The following LRP2 variants were observed in gnomAD, a reference collection of about 807,000 sequenced individuals.
The protein encoded by LRP2 is low-density lipoprotein receptor-related protein 2.
LRP2 carries 172 observed loss-of-function variants against 531.0 expected under a neutral mutation model. That is an observed-to-expected ratio of 0.32 (90% CI 0.29 to 0.37). LRP2 has a LOEUF of 0.37. Ranked by LOEUF, LRP2 falls within the 10% of genes least tolerant of loss-of-function variation. The pLI, the probability that LRP2 is intolerant of heterozygous loss-of-function variation, is 1.00. For missense variants in LRP2, 5,167 were observed against 5,868.3 expected, an observed-to-expected ratio of 0.88 and a Z score of 3.90; for synonymous variants, 1,992 against 2,027.6, an observed-to-expected ratio of 0.98 and a Z score of 0.47.
chr2:169,189,998 G>A (rs1435619856), intron 48 of LRP2, among the ~76,000 whole-genome samples: 2 of 152,156 alleles, frequency 1.3e-5, no homozygotes, highest in Admixed American at 6.5e-5. Flanking sequence ...AGAATGGGAG[G>A]AATAAAGGAG....
chr2:169,153,385 C>T (rs1241426948), intron 66 of LRP2, among the ~76,000 whole-genome samples: 2 of 152,148 alleles, frequency 1.3e-5, no homozygotes, highest in Admixed American at 6.5e-5. Context: ...ATTTTATATA[C>T]AGACAGAAGG....
intron 14 of LRP2, among the ~76,000 whole-genome samples, chr2:169,274,411 C>A (rs1683499110): frequency 6.6e-6 from 1 of 151,926 alleles, no homozygotes; most frequent in African/African-American, 2.4e-5. Flanking sequence ...TAGTGGAAAT[C>A]CCATCTCAGA....
intron 45 of LRP2, among the ~76,000 whole-genome samples, chr2:169,197,666 G>A (rs1288572405): frequency 1.3e-5 from 2 of 152,196 alleles, no homozygotes; most frequent in Non-Finnish European, 2.9e-5. Context: ...TGGTCTATAA[G>A]GCCGTTTTGC....
chr2:169,277,853 T>C lies in LRP2; in HGVS notation c.1664A>G (p.Lys555Arg). Residue 555 changes from lysine to arginine, a missense_variant, in exon 13 of 79, where the codon AAG (lysine) becomes AGG (arginine). Physicochemically the swap from Lys to Arg is conservative, Grantham distance 26. Transcript: ENST00000649046. ...AGTTACCCCAGCAGGCCATCCCAGC[T>C]TTGTTTTCACCAAGTCTTTACGGTT... ...GSNRKDLVKT[K>R]LGWPAGVTLD... The C allele has an allele frequency of 1.2e-6, 2 of 1,614,186 alleles. No homozygotes were observed. Among genetic ancestry groups the C allele is most frequent in the Non-Finnish European group, 1.7e-6 (2 of 1,180,016 alleles).
chr2:169,292,482 T>C, intron 6 of LRP2, 113 bp from the exon 7 acceptor site: 2 of 772,794 alleles, frequency 2.6e-6, no homozygotes, highest in Non-Finnish European at 2.3e-6. Flanking sequence ...TCTATATCAA[T>C]TTAATCCCTT....
intron 5 of LRP2, 83 bp downstream of exon 5, chr2:169,294,517 G>T: frequency 9.9e-7 from 1 of 1,009,146 alleles, no homozygotes. Context: ...CCTGAACTTG[G>T]GAAGAGATGT....
chr2:169,272,853 G>A (rs1683454264), intron 15 of LRP2, 74 bp downstream of exon 15: 1 of 1,584,756 alleles, frequency 6.3e-7, no homozygotes, highest in Non-Finnish European at 8.7e-7. Flanking sequence ...AAGAGTAGCA[G>A]TTAGTCTAGT....
At chr2:169,229,342 G>T (rs903809924) in intron 31 of LRP2, among the ~76,000 whole-genome samples, 2 of 152,166 alleles carry the variant, frequency 1.3e-5, no homozygotes, top group African/African-American at 4.8e-5. Context: ...AGAACTCAGT[G>T]TTGTAATTGA....
chr2:169,138,460 T>C (rs1049030257), intron 75 of LRP2, 117 bp downstream of exon 75: 35 of 1,135,104 alleles, frequency 3.1e-5, no homozygotes, highest in Non-Finnish European at 4.4e-5. Flanking sequence ...GTGCAGACCT[T>C]ATTCTGAGAG....
chr2:169,155,571 T>C (rs1025463557), intron 65 of LRP2, among the ~76,000 whole-genome samples: 1 of 152,202 alleles, frequency 6.6e-6, no homozygotes. Context: ...TAAACTCTAG[T>C]ACAAACTTCA....
At chr2:169,284,673 A>G (rs565284203) in intron 9 of LRP2, among the ~76,000 whole-genome samples, 1 of 152,098 alleles carries the variant, frequency 6.6e-6, no homozygotes, top group Admixed American at 6.5e-5. Context: ...AGGAAAAAAA[A>G]CCCAATCCGA....
At chr2:169,343,710 G>C (rs1289119234) in intron 1 of LRP2, among the ~76,000 whole-genome samples, 1 of 152,162 alleles carries the variant, frequency 6.6e-6, no homozygotes, top group Non-Finnish European at 1.5e-5. Context: ...TACCAGAAAG[G>C]GTTTGGCCAC....
intron 41 of LRP2, 24 bp from the exon 42 acceptor site, chr2:169,204,295 T>A (rs1462476148): frequency 3.1e-6 from 5 of 1,606,084 alleles, no homozygotes; most frequent in Non-Finnish European, 4.2e-6. Context: ...AAAAAAAATT[T>A]AGAAGTTGAA....
At chr2:169,268,707 C>T (rs960133330) in intron 16 of LRP2, among the ~76,000 whole-genome samples, 2 of 152,188 alleles carry the variant, frequency 1.3e-5, no homozygotes, top group African/African-American at 4.8e-5. Flanking sequence ...CAGGGATGCC[C>T]TCTCTCGCCA....
chr2:169,299,132 A>T lies in LRP2; in HGVS notation c.428-4422T>A, dbSNP rs1380431813. Among the ~76,000 whole-genome samples, 13 of 54,982 alleles carry T rather than the reference A, an allele frequency of 2.4e-4. 1 individual carries two copies. The highest frequency in any genetic ancestry group is 1.9e-3 in the Admixed American group (12 of 6,182). 36.1% of individuals were successfully genotyped at this position (54,982 alleles called of 152,430 possible). A position where few individuals can be genotyped will look rare whatever the true frequency, so the allele number is the denominator to read the frequency against. ...GAAAGAAAGAAAGAAAGAAAGAAAG[A>T]AAGAAAGAAAGAAAGAAAGAAAGAA... On this transcript the variant is annotated intron_variant, in intron 4 of 78. Transcript: ENST00000649046.
intron 3 of LRP2, among the ~76,000 whole-genome samples, chr2:169,316,418 G>GTT (rs570131310): frequency 4.4e-4 from 67 of 152,206 alleles, no homozygotes; most frequent in African/African-American, 1.5e-3. Flanking sequence ...TATGAAATAT[G>GTT]TTTCACAAAT....
At chr2:169,309,355 AG>A (rs1352310816) in intron 3 of LRP2, among the ~76,000 whole-genome samples, 1 of 152,138 alleles carries the variant, frequency 6.6e-6, no homozygotes, top group African/African-American at 2.4e-5. Context: ...TTATGGTTTT[AG>A]GTCTGACATT....
intron 1 of LRP2, among the ~76,000 whole-genome samples, chr2:169,361,273 T>G (rs1000236813): frequency 6.6e-6 from 1 of 150,720 alleles, no homozygotes. Context: ...GGTTCCAGCC[T>G]CCTCCTCGCC....
At chr2:169,137,789 C>G (rs541755371) in intron 75 of LRP2, among the ~76,000 whole-genome samples, 4 of 151,530 alleles carry the variant, frequency 2.6e-5, no homozygotes, top group African/African-American at 9.7e-5. Flanking sequence ...TCTTAAATAA[C>G]TCACTTGGGA....
Sources: allele counts gnomAD v4.1 joint callset (sites outside exome capture counted in the v4.1 genomes callset), GRCh38; gene constraint gnomAD v4.1.1; transcripts MANE v1.5; gene names NCBI Gene and HGNC (gene_info 2026-07-23, HGNC 2026-07-21).